Variants in PPARGC1A observed in about 807,000 individuals in gnomAD.
The protein encoded by PPARGC1A is PPARG coactivator 1 alpha.
A neutral mutation model predicts 88.7 loss-of-function variants in PPARGC1A; 25 were observed. The observed-to-expected ratio is 0.28, with a 90% CI of 0.21 to 0.39. PPARGC1A has a LOEUF of 0.39. PPARGC1A is among the 10% of genes least tolerant of loss of function. The pLI, the probability that PPARGC1A is intolerant of heterozygous loss-of-function variation, is 1.00. For synonymous variants in PPARGC1A, 363 were observed against 355.6 expected (o/e 1.02, Z -0.24); for missense variants, 880 against 968.7 (o/e 0.91, Z 1.22).
At chr4:24,229,536 T>G in the PPARGC1A span, among the ~76,000 whole-genome samples, 1 of 151,860 alleles carries the variant, frequency 6.6e-6, no homozygotes, top group East Asian at 2.0e-4. Context: ...GAAATCTTTC[T>G]TTAAAAGAGT....
At position 23,793,151 on chromosome 4, in the gene PPARGC1A, A is replaced by AAAAT. The variant is rs1405053781; in HGVS notation, c.*2667_*2670dup. The AAAAT allele has an allele frequency of 1.3e-5, 2 of 152,600 alleles. No individual in the cohort carries two copies. Among genetic ancestry groups the AAAAT allele is most frequent in the Non-Finnish European group, 2.9e-5 (2 of 68,014 alleles). The allele number at this position is 152,600 out of a possible 1,614,324, so 9.5% of individuals were successfully genotyped here. On this transcript the variant is annotated 3_prime_UTR_variant, in exon 13 of 13. Transcript: ENST00000264867. ...GGATTTACTAAATCTCGATTTCTTA[A>AAAAT]AAATAATTTATTGCTCTTAATAGTC...
At chr4:24,387,758 GAGAGAGAGAGAAAGAAAGAA>G in the PPARGC1A span, among the ~76,000 whole-genome samples, 5 of 62,370 alleles carry the variant, frequency 8.0e-5, no homozygotes, top group East Asian at 1.4e-3. Flanking sequence ...GAGAGAGAGA[GAGAGAGAGAGAAAGAAAGAA>G]AGAAAGAAAG....
At chr4:24,009,967 G>T in the PPARGC1A span, among the ~76,000 whole-genome samples, 2 of 152,072 alleles carry the variant, frequency 1.3e-5, no homozygotes, top group Admixed American at 6.6e-5. Flanking sequence ...GTCACCAGAC[G>T]CCTAGCATGA....
intron 2 of PPARGC1A, among the ~76,000 whole-genome samples, chr4:23,870,627 GAAGC>G (rs551553040): frequency 1.3e-5 from 2 of 152,278 alleles, no homozygotes; most frequent in Non-Finnish European, 2.9e-5. Flanking sequence ...AAAGCAAAAG[GAAGC>G]AAGCGTTAAG....
the PPARGC1A span, among the ~76,000 whole-genome samples, chr4:24,196,974 A>G: frequency 3.3e-5 from 5 of 152,226 alleles, no homozygotes; most frequent in Non-Finnish European, 7.3e-5. Flanking sequence ...TTTGAATGTC[A>G]TGCTTGAGCA....
chr4:23,937,640 A>G, the PPARGC1A span, among the ~76,000 whole-genome samples: 6 of 152,306 alleles, frequency 3.9e-5, 1 homozygote, highest in Admixed American at 3.9e-4. Flanking sequence ...CAACAGGTCC[A>G]GAAAGGTAGA....
chr4:23,808,770 G>A (rs1379642289), intron 10 of PPARGC1A, among the ~76,000 whole-genome samples: 2 of 152,088 alleles, frequency 1.3e-5, no homozygotes, highest in African/African-American at 4.8e-5. Flanking sequence ...TGTTCTCTTT[G>A]TTTTTGGATT....
chr4:24,296,189 GTA>G, the PPARGC1A span, among the ~76,000 whole-genome samples: 5 of 147,808 alleles, frequency 3.4e-5, no homozygotes, highest in Non-Finnish European at 5.9e-5. Context: ...GTGTATGTGT[GTA>G]TGTGTGTGTG....
In PPARGC1A at chr4:23,795,763, G is replaced by C. The variant is rs554795753; in HGVS notation, c.*59C>G. On this transcript the variant is annotated 3_prime_UTR_variant, in exon 13 of 13. Transcript: ENST00000264867. ...ATGACTTGCAATAGTCTTTAGGGAA[G>C]GACGCGCTGTCCCATGAGGTATTCG... 6.0e-6 allele frequency: 8 copies of C among 1,333,732 alleles called. No individual in the cohort carries two copies. The East Asian group carries it at 1.9e-4, about 32-fold the overall frequency. The allele number at this position is 1,333,732 out of a possible 1,614,324, so 82.6% of individuals were successfully genotyped here.
chr4:24,273,469 T>A, the PPARGC1A span, among the ~76,000 whole-genome samples: 1 of 152,300 alleles, frequency 6.6e-6, no homozygotes, highest in East Asian at 1.9e-4. Context: ...GACCTTCTTA[T>A]GCTAGTGATG....
the PPARGC1A span, among the ~76,000 whole-genome samples, chr4:23,987,906 A>G: frequency 6.6e-6 from 1 of 151,996 alleles, no homozygotes; most frequent in Non-Finnish European, 1.5e-5. Context: ...CGTCACCTAC[A>G]TTAGGTATTT....
chr4:24,079,114 G>A, the PPARGC1A span, among the ~76,000 whole-genome samples: 6 of 151,976 alleles, frequency 3.9e-5, no homozygotes, highest in Admixed American at 6.6e-5. Context: ...TTCACATTAA[G>A]TTTAGTCTTG....
chr4:23,841,438 T>C lies in PPARGC1A; in HGVS notation c.235-9687A>G, dbSNP rs1727030817. On this transcript the variant is annotated intron_variant, in intron 2 of 12. Transcript: ENST00000264867. Reference sequence around the variant, plus strand: ...GATTTATTATAAATATTATAGTGTATATTTTATGTATTTATATACCTTAAT... The same window carrying C: ...GATTTATTATAAATATTATAGTGTACATTTTATGTATTTATATACCTTAAT... Among the ~76,000 whole-genome samples the C allele has an allele frequency of 2.0e-5, 3 of 152,110 alleles. No homozygotes were observed. In the South Asian group the frequency reaches 6.2e-4, roughly 31 times the overall value.
At chr4:24,130,881 G>C in the PPARGC1A span, among the ~76,000 whole-genome samples, 2 of 152,144 alleles carry the variant, frequency 1.3e-5, no homozygotes, top group Non-Finnish European at 2.9e-5. Context: ...ATCTCACTCT[G>C]TTCCAGCCAT....
At chr4:23,915,313 A>AT in the PPARGC1A span, among the ~76,000 whole-genome samples, 2 of 152,120 alleles carry the variant, frequency 1.3e-5, no homozygotes, top group Admixed American at 6.5e-5. Flanking sequence ...GGAATTCACC[A>AT]TTTTTTGTAG....
At chr4:24,258,073 A>G in the PPARGC1A span, 8 of 338,238 alleles carry the variant, frequency 2.4e-5, no homozygotes, top group African/African-American at 4.5e-5. Context: ...AATGCCTCAA[A>G]GAAGTCAGAT....
the PPARGC1A span, among the ~76,000 whole-genome samples, chr4:23,935,834 T>C: frequency 6.6e-6 from 1 of 152,098 alleles, no homozygotes; most frequent in Non-Finnish European, 1.5e-5. Flanking sequence ...ACTGTTTCAT[T>C]ATCCTAACTG....
At chr4:24,014,477 T>G in the PPARGC1A span, among the ~76,000 whole-genome samples, 1 of 152,186 alleles carries the variant, frequency 6.6e-6, no homozygotes, top group African/African-American at 2.4e-5. Context: ...TCATGGTTTC[T>G]GCGGATCAGA....
the PPARGC1A span, among the ~76,000 whole-genome samples, chr4:23,976,469 C>T: frequency 2.0e-5 from 3 of 152,284 alleles, no homozygotes; most frequent in East Asian, 1.9e-4. Flanking sequence ...TCTTTTCATA[C>T]GATGGCCTGA....
Sources: allele counts gnomAD v4.1 joint callset (sites outside exome capture counted in the v4.1 genomes callset), GRCh38; gene constraint gnomAD v4.1.1; transcripts MANE v1.5; gene names NCBI Gene and HGNC (gene_info 2026-07-23, HGNC 2026-07-21).